Variants in KIF3A observed in about 807,000 individuals in gnomAD.
The protein encoded by KIF3A is kinesin family member 3A.
In KIF3A, 27 loss-of-function variants were observed where a neutral mutation model predicts 92.6. The observed-to-expected ratio is 0.29, with a 90% CI of 0.21 to 0.40. The LOEUF (loss-of-function observed/expected upper bound fraction) is 0.40, where lower values mean the gene tolerates loss of function less well. KIF3A is among the 10% of genes least tolerant of loss of function. KIF3A has a pLI of 1.00. For missense variants in KIF3A, 581 were observed against 872.6 expected, an observed-to-expected ratio of 0.67 and a Z score of 4.21; for synonymous variants, 250 against 275.4, an observed-to-expected ratio of 0.91 and a Z score of 0.92.
At chr5:132,698,770 C>A (rs1752922685) in intron 18 of KIF3A, among the ~76,000 whole-genome samples, 1 of 68,648 alleles carries the variant, frequency 1.5e-5, no homozygotes, top group Non-Finnish European at 3.2e-5. Flanking sequence ...TGCTCTGTCA[C>A]CCAGGCTGAA....
intron 17 of KIF3A, 117 bp from the exon 18 acceptor site, chr5:132,699,412 A>C: frequency 1.0e-6 from 1 of 963,900 alleles, no homozygotes; most frequent in East Asian, 2.6e-5. Context: ...GCTAAAACCA[A>C]AGAAATGTCT....
intron 10 of KIF3A, 122 bp from the exon 11 acceptor site, chr5:132,706,581 T>A: frequency 1.5e-6 from 1 of 678,692 alleles, no homozygotes; most frequent in Non-Finnish European, 2.3e-6. Context: ...TAGCATTCAT[T>A]TAAGTGTAGA....
In KIF3A at chr5:132,696,603, A is replaced by G. The variant is rs1561687027; in HGVS notation, c.*31T>C. 4 of 1,429,674 alleles carry G rather than the reference A, an allele frequency of 2.8e-6. No homozygotes were observed. Among genetic ancestry groups the G allele is most frequent in the Non-Finnish European group, 3.0e-6 (3 of 1,015,944 alleles). The allele number at this position is 1,429,674 out of a possible 1,614,324, so 88.6% of individuals were successfully genotyped here. ...TTTGTCCAGGCATGAGAATATCACT[A>G]ATTTTTATTGTGACTTTAAGTCTGT... On this transcript the variant is annotated 3_prime_UTR_variant, in exon 19 of 19. Coordinates refer to ENST00000403231, the MANE Select transcript of KIF3A (RefSeq NM_001300791.2).
chr5:132,721,062 A>C (rs528320720), intron 4 of KIF3A, among the ~76,000 whole-genome samples: 85 of 152,288 alleles, frequency 5.6e-4, no homozygotes, highest in African/African-American at 2.0e-3. Context: ...GAAGAAGAAA[A>C]TGTGCAAGAA....
intron 4 of KIF3A, among the ~76,000 whole-genome samples, chr5:132,725,641 T>G (rs968865369): frequency 6.6e-6 from 1 of 152,190 alleles, no homozygotes; most frequent in Admixed American, 6.5e-5. Context: ...ATCGAACTGC[T>G]GGGAAGATTA....
chr5:132,701,810 T>C (rs576445862), intron 15 of KIF3A, among the ~76,000 whole-genome samples: 1 of 152,220 alleles, frequency 6.6e-6, no homozygotes, highest in South Asian at 2.1e-4. Flanking sequence ...GTTCCATTTA[T>C]TCTACTTGTA....
In KIF3A at chr5:132,696,366, G is replaced by A; in HGVS notation, c.*268C>T. 3.2e-6 allele frequency: 1 copy of A among 307,940 alleles called. No individual in the cohort carries two copies. The highest frequency in any genetic ancestry group is 6.0e-6 in the Non-Finnish European group (1 of 166,432). The allele number at this position is 307,940 out of a possible 1,614,324, so 19.1% of individuals were successfully genotyped here. The stretch of plus-strand genomic sequence containing the variant: ...TACATCTAAACTGTAACTCTCTATA[G>A]TATGAACTGTTCCCCCAACTTCCCT... On this transcript the variant is annotated 3_prime_UTR_variant, in exon 19 of 19. Transcript: ENST00000403231.
intron 2 of KIF3A, among the ~76,000 whole-genome samples, chr5:132,730,217 A>AGTGCTTT (rs1476913277): frequency 6.6e-6 from 1 of 152,222 alleles, no homozygotes. Flanking sequence ...CTGTAATCCC[A>AGTGCTTT]GCACTCCGGG....
chr5:132,728,116 C>T (rs892224931), intron 2 of KIF3A, among the ~76,000 whole-genome samples: 2 of 152,150 alleles, frequency 1.3e-5, no homozygotes, highest in South Asian at 2.1e-4. Context: ...AGAATAGACA[C>T]ATTAAATTAT....
At chr5:132,737,281 C>T in intron 1 of KIF3A, 133 bp downstream of exon 1, 3 of 1,012,900 alleles carry the variant, frequency 3.0e-6, no homozygotes, top group Non-Finnish European at 4.1e-6. Flanking sequence ...CCAACCACCT[C>T]CACCGCACGA....
intron 8 of KIF3A, among the ~76,000 whole-genome samples, chr5:132,715,274 T>A (rs1753579756): frequency 6.6e-6 from 1 of 152,176 alleles, no homozygotes; most frequent in South Asian, 2.1e-4. Flanking sequence ...CAAAATACAA[T>A]CTCATGTTCA....
At chr5:132,697,429 C>T (rs904036956) in intron 18 of KIF3A, 16 of 150,264 alleles carry the variant, frequency 1.1e-4, no homozygotes, top group African/African-American at 3.7e-4. Context: ...ATTATTTATT[C>T]ATTTGCTTTA....
In KIF3A at chr5:132,720,702, GTCTT is replaced by G. The variant is rs1753795541; in HGVS notation, c.519_522del (p.Glu173AspfsTer16). On this transcript the variant is annotated frameshift_variant, in exon 5 of 19. Coordinates refer to ENST00000403231, the MANE Select transcript of KIF3A (RefSeq NM_001300791.2). LOFTEE classifies it high-confidence loss of function. ...TCTTTGATATAAACTCCCACATCAG[GTCTT>G]TCTTTAACCTAAAAAAAAATTAAGA... 1 of 1,597,954 alleles carries G rather than the reference GTCTT, an allele frequency of 6.3e-7. No homozygotes were observed. The highest frequency in any genetic ancestry group is 1.3e-5 in the African/African-American group (1 of 74,318).
intron 4 of KIF3A, among the ~76,000 whole-genome samples, chr5:132,724,816 T>C (rs1203425045): frequency 9.1e-5 from 1 of 10,946 alleles, no homozygotes; most frequent in African/African-American, 2.1e-4. Flanking sequence ...AATATATATA[T>C]ATATATATAT....
At chr5:132,726,599 CT>C (rs1754041935) in intron 2 of KIF3A, 101 bp from the exon 3 acceptor site, 1 of 1,058,828 alleles carries the variant, frequency 9.4e-7, no homozygotes, top group Non-Finnish European at 1.4e-6. Context: ...AATTTCTCCC[CT>C]GGATTCAAAA....
intron 16 of KIF3A, 73 bp downstream of exon 16, chr5:132,700,574 G>A: frequency 9.7e-7 from 1 of 1,026,790 alleles, no homozygotes; most frequent in Non-Finnish European, 1.5e-6. Flanking sequence ...CCTCCCCACT[G>A]TAGCCAGCAC....
At chr5:132,708,226 G>A (rs2237058) in intron 10 of KIF3A, among the ~76,000 whole-genome samples, 88,512 of 149,246 alleles carry the variant, frequency 0.59, 28,254 homozygotes, top group Non-Finnish European at 0.74. Flanking sequence ...AGCTTGCAGT[G>A]AGCCAAGACT....
At position 132,702,687 on chromosome 5, in the gene KIF3A, A is replaced by C; in HGVS notation, c.1648-19T>G. 1 of 1,511,822 alleles carries C rather than the reference A, an allele frequency of 6.6e-7. No homozygotes were observed. Among genetic ancestry groups the C allele is most frequent in the Non-Finnish European group, 9.1e-7 (1 of 1,097,964 alleles). The allele number at this position is 1,511,822 out of a possible 1,614,324, so 93.7% of individuals were successfully genotyped here. A position where few individuals can be genotyped will look rare whatever the true frequency, so the allele number is the denominator to read the frequency against. ...GTTCTTGCTATGACAAAAATTAGTA[A>C]ACTTCAGAATAAATTTCTTTGTAAA... On this transcript the variant is annotated intron_variant, in intron 13 of 18. Transcript: ENST00000403231.
At chr5:132,699,828 CT>C (rs1388654770) in intron 17 of KIF3A, among the ~76,000 whole-genome samples, 1 of 152,144 alleles carries the variant, frequency 6.6e-6, no homozygotes, top group Non-Finnish European at 1.5e-5. Context: ...TCCCAAAGTG[CT>C]GGGATTACAG....
Sources: allele counts gnomAD v4.1 joint callset (sites outside exome capture counted in the v4.1 genomes callset), GRCh38; gene constraint gnomAD v4.1.1; transcripts MANE v1.5; gene names NCBI Gene and HGNC (gene_info 2026-07-23, HGNC 2026-07-21).